The following SEMA3A variants were observed in gnomAD, a reference collection of about 807,000 sequenced individuals.
The protein encoded by SEMA3A is semaphorin-3A.
In SEMA3A, 29 loss-of-function variants were observed where a neutral mutation model predicts 97.9. The ratio of observed to expected loss-of-function variants is 0.30; its 90% CI spans 0.22 to 0.40. SEMA3A has a LOEUF of 0.40. Among genes scored for constraint, SEMA3A ranks in the 10% least tolerant of loss-of-function variants. SEMA3A has a pLI of 1.00. For missense variants in SEMA3A, 763 were observed against 951.3 expected (o/e 0.80, Z 2.60); for synonymous variants, 321 against 323.7 (o/e 0.99, Z 0.09).
At chr7:84,269,448 C>G (rs1190345238) in intron 3 of SEMA3A, among the ~76,000 whole-genome samples, 1 of 151,054 alleles carries the variant, frequency 6.6e-6, no homozygotes, top group Non-Finnish European at 1.5e-5. Flanking sequence ...TCTAGCATCA[C>G]AGAAATTTTA....
chr7:84,063,107 G>A (rs746546783), intron 4 of SEMA3A, among the ~76,000 whole-genome samples: 2 of 152,040 alleles, frequency 1.3e-5, no homozygotes, highest in Admixed American at 6.5e-5. Context: ...GTGGGTCCCT[G>A]ACCCCTGACC....
intron 1 of SEMA3A, among the ~76,000 whole-genome samples, chr7:84,391,808 C>CA (rs1245184823): frequency 2.0e-5 from 3 of 151,686 alleles, no homozygotes; most frequent in Non-Finnish European, 2.9e-5. Context: ...GCCTTCTCTA[C>CA]AAAAAAATAC....
chr7:84,329,550 A>G (rs1801862255), intron 2 of SEMA3A, among the ~76,000 whole-genome samples: 1 of 152,054 alleles, frequency 6.6e-6, no homozygotes. Context: ...ATTGTAATCA[A>G]AGAAGAAACA....
intron 2 of SEMA3A, among the ~76,000 whole-genome samples, chr7:84,336,131 T>C (rs1802033579): frequency 6.6e-6 from 1 of 152,116 alleles, no homozygotes; most frequent in Admixed American, 6.6e-5. Flanking sequence ...TTTAGAAGAA[T>C]ATAAGCAGGC....
At chr7:83,999,351 C>A (rs1562963911) in intron 12 of SEMA3A, among the ~76,000 whole-genome samples, 1 of 151,918 alleles carries the variant, frequency 6.6e-6, no homozygotes, top group Non-Finnish European at 1.5e-5. Context: ...CTTAAAATCC[C>A]TGGAGATATA....
intron 3 of SEMA3A, among the ~76,000 whole-genome samples, chr7:84,237,384 T>A (rs1199473758): frequency 6.6e-6 from 1 of 152,066 alleles, no homozygotes; most frequent in African/African-American, 2.4e-5. Flanking sequence ...ACTGAGTTAA[T>A]ACAACATACA....
intron 3 of SEMA3A, among the ~76,000 whole-genome samples, chr7:84,298,986 C>G (rs972071071): frequency 1.3e-5 from 2 of 152,028 alleles, no homozygotes; most frequent in African/African-American, 4.8e-5. Flanking sequence ...ACATCAGACT[C>G]CAAGTTCTTC....
At chr7:84,246,136 TG>T (rs1799471962) in intron 3 of SEMA3A, among the ~76,000 whole-genome samples, 1 of 152,206 alleles carries the variant, frequency 6.6e-6, no homozygotes, top group African/African-American at 2.4e-5. Context: ...CTGAACTTCC[TG>T]GTGGCTTTGT....
intron 4 of SEMA3A, among the ~76,000 whole-genome samples, chr7:84,083,115 T>A (rs1794215757): frequency 6.6e-6 from 1 of 151,900 alleles, no homozygotes; most frequent in African/African-American, 2.4e-5. Flanking sequence ...TTTTTTTTGG[T>A]AAATAAACCA....
chr7:84,126,939 C>T (rs1026700274), intron 3 of SEMA3A, among the ~76,000 whole-genome samples: 1 of 151,990 alleles, frequency 6.6e-6, no homozygotes, highest in African/African-American at 2.4e-5. Flanking sequence ...CTTCATTGTG[C>T]TTTCTATTTA....
intron 3 of SEMA3A, among the ~76,000 whole-genome samples, chr7:84,297,614 T>A (rs1800903737): frequency 6.6e-6 from 1 of 152,182 alleles, no homozygotes; most frequent in Non-Finnish European, 1.5e-5. Context: ...CAAGTCTCAA[T>A]TTTGTTAATA....
chr7:84,305,896 A>T (rs1801141619), intron 3 of SEMA3A, among the ~76,000 whole-genome samples: 1 of 151,732 alleles, frequency 6.6e-6, no homozygotes, highest in Non-Finnish European at 1.5e-5. Context: ...CAAATAATGA[A>T]TATATACACA....
chr7:84,423,601 A>T (rs991682331), intron 1 of SEMA3A, among the ~76,000 whole-genome samples: 1 of 152,200 alleles, frequency 6.6e-6, no homozygotes, highest in East Asian at 1.9e-4. Flanking sequence ...TATCATCTAT[A>T]TCTATATTTA....
intron 10 of SEMA3A, 24 bp from the exon 11 acceptor site, chr7:84,005,582 T>A (rs767292950): frequency 2.8e-6 from 4 of 1,452,786 alleles, no homozygotes; most frequent in Non-Finnish European, 3.8e-6. Flanking sequence ...GAGAAAATTA[T>A]CTTTTGATTA....
intron 4 of SEMA3A, among the ~76,000 whole-genome samples, chr7:84,081,310 G>T (rs997915567): frequency 6.6e-6 from 1 of 151,510 alleles, no homozygotes; most frequent in Non-Finnish European, 1.5e-5. Flanking sequence ...CAAGCTTGTA[G>T]GGCCGGGCGC....
intron 2 of SEMA3A, among the ~76,000 whole-genome samples, chr7:84,361,197 C>T (rs988405170): frequency 1.2e-4 from 18 of 152,038 alleles, no homozygotes; most frequent in Admixed American, 4.6e-4. Flanking sequence ...CTGAGTTTCA[C>T]TGGAGATTCT....
intron 6 of SEMA3A, among the ~76,000 whole-genome samples, chr7:84,019,700 T>C (rs138665113): frequency 6.6e-6 from 1 of 151,146 alleles, no homozygotes; most frequent in East Asian, 1.9e-4. Flanking sequence ...TCACTACTAT[T>C]GTATTGATAA....
chr7:84,034,765 T>C (rs574631064), intron 6 of SEMA3A, among the ~76,000 whole-genome samples: 1 of 144,196 alleles, frequency 6.9e-6, no homozygotes, highest in East Asian at 2.1e-4. Context: ...GGCAGTCCAT[T>C]AATCCTATTT....
At chr7:84,061,204 T>C (rs573119291) in intron 4 of SEMA3A, among the ~76,000 whole-genome samples, 9 of 152,260 alleles carry the variant, frequency 5.9e-5, no homozygotes, top group African/African-American at 2.2e-4. Context: ...GTGGTGTCAA[T>C]GGAATAACAA....
Sources: allele counts gnomAD v4.1 joint callset (sites outside exome capture counted in the v4.1 genomes callset), GRCh38; gene constraint gnomAD v4.1.1; transcripts MANE v1.5; gene names NCBI Gene and HGNC (gene_info 2026-07-23, HGNC 2026-07-21).